EIF4G1: variants seen among roughly 807,000 people sequenced by gnomAD.
The protein encoded by EIF4G1 is EIF4-gamma.
In EIF4G1, 4 loss-of-function variants were observed where a neutral mutation model predicts 187.8. That is an observed-to-expected ratio of 0.02 (90% CI 0.01 to 0.05). The LOEUF (loss-of-function observed/expected upper bound fraction) is 0.05. EIF4G1 is among the 10% of genes least tolerant of loss of function. EIF4G1 has a pLI of 1.00. For missense variants in EIF4G1, 1,647 were observed against 2,081.1 expected, an observed-to-expected ratio of 0.79 and a Z score of 4.06; for synonymous variants, 844 against 781.4, an observed-to-expected ratio of 1.08 and a Z score of -1.34.
At position 184,317,356 on chromosome 3, in the gene EIF4G1, T is replaced by C. The variant is rs753368220; in HGVS notation, c.183T>C (p.Ser61=). 5 of 1,614,118 alleles carry C rather than the reference T, an allele frequency of 3.1e-6. No individual in the cohort carries two copies. Among genetic ancestry groups the C allele is most frequent in the East Asian group, 2.2e-5 (1 of 44,876 alleles). The change falls in exon 5 of 33, where the codon AGT becomes AGC. Residue 61 remains serine (S), a synonymous_variant. Transcript: ENST00000346169. ...CTAGCCGGGCCCAGCCCCCGAGCAG[T>C]GCAGCCTCCCGAGTGCAGAGTGCAG... ...FYPSRAQPPS[S]AASRVQSAAP... is the part of the protein sequence containing the mutation.
At chr3:184,326,152 A>G (rs1724857237) in intron 21 of EIF4G1, among the ~76,000 whole-genome samples, 1 of 152,062 alleles carries the variant, frequency 6.6e-6, no homozygotes, top group South Asian at 2.1e-4. Flanking sequence ...ACACACACAC[A>G]CACACACACA....
intron 28 of EIF4G1, among the ~76,000 whole-genome samples, chr3:184,329,308 A>G (rs1013523066): frequency 6.6e-6 from 1 of 152,242 alleles, no homozygotes; most frequent in Non-Finnish European, 1.5e-5. Context: ...ACAGCAATGA[A>G]TAAAACACAA....
chr3:184,315,205 T>C (rs1722524411), intron 1 of EIF4G1: 2 of 358,204 alleles, frequency 5.6e-6, no homozygotes. Flanking sequence ...GCCGCCCGCC[T>C]GGCCTTTTAG....
intron 6 of EIF4G1, among the ~76,000 whole-genome samples, chr3:184,319,467 T>TGTGTGTGTGTG (rs1560209601): frequency 1.8e-4 from 2 of 11,264 alleles, no homozygotes; most frequent in Non-Finnish European, 3.3e-4. Context: ...GTGTGTGTGT[T>TGTGTGTGTGTG]TGTGTGTGTG....
At chr3:184,326,159 C>T (rs1368363374) in intron 21 of EIF4G1, among the ~76,000 whole-genome samples, 1 of 152,118 alleles carries the variant, frequency 6.6e-6, no homozygotes, top group African/African-American at 2.4e-5. Context: ...CACACACACA[C>T]ACACACACAC....
At chr3:184,327,187 G>A (rs1725101633) in intron 23 of EIF4G1, 29 bp from the exon 24 acceptor site, 2 of 1,611,758 alleles carry the variant, frequency 1.2e-6, no homozygotes, top group East Asian at 2.2e-5. Context: ...CAGTGCAAGT[G>A]AGTGAAAATT....
rs16858643 is a variant in EIF4G1 at position 184,324,183 on chromosome 3, A to G, written c.2473-18A>G. The G allele has an allele frequency of 4.3e-3, 6,914 of 1,614,198 alleles. 272 individuals are homozygous for G. The African/African-American group carries it at 0.08, about 19-fold the overall frequency. On this transcript the variant is annotated intron_variant, in intron 16 of 32. Coordinates refer to ENST00000346169, the MANE Select transcript of EIF4G1 (RefSeq NM_198241.3). ...GCCCAGGACTAGTCTTGAGTGTGAC[A>G]TTCTCTCTGACCTACAGCTGAAAGT...
intron 32 of EIF4G1, 124 bp downstream of exon 32, chr3:184,332,210 T>C (rs943078375): frequency 8.5e-6 from 11 of 1,296,846 alleles, no homozygotes; most frequent in Non-Finnish European, 1.1e-5. Flanking sequence ...CAAAATGCCC[T>C]CTGGGTTTCA....
chr3:184,321,108 G>GT, intron 9 of EIF4G1, 115 bp downstream of exon 9: 2 of 1,507,604 alleles, frequency 1.3e-6, no homozygotes, highest in Non-Finnish European at 1.8e-6. Flanking sequence ...TAGATTTCAG[G>GT]TTGTGGGATT....
In EIF4G1 at chr3:184,317,745, A is replaced by G; in HGVS notation, c.353A>G (p.Gln118Arg). ...CGTTCCACATACGTTGTCCCGACAC[A>G]GCAGTACCCTGTGCAGCCAGGAGCC... ...QGRSTYVVPT[Q>R]QYPVQPGAPG... Residue 118 changes from glutamine (Q) to arginine (R), a missense_variant, in exon 6 of 33, where the codon CAG (glutamine) becomes CGG (arginine). Coordinates refer to ENST00000346169, the MANE Select transcript of EIF4G1 (RefSeq NM_198241.3). 1 of 1,614,114 alleles carries G rather than the reference A, an allele frequency of 6.2e-7. No homozygotes were observed. Among genetic ancestry groups the G allele is most frequent in the Non-Finnish European group, 8.5e-7 (1 of 1,180,018 alleles).
intron 32 of EIF4G1, among the ~76,000 whole-genome samples, chr3:184,332,434 AATGTTG>A (rs1270120527): frequency 5.3e-5 from 8 of 152,142 alleles, no homozygotes; most frequent in Non-Finnish European, 1.0e-4. Context: ...AGTCCTCACA[AATGTTG>A]TTTAGGGTGG....
chr3:184,327,020 G>T lies in EIF4G1; in HGVS notation c.3428+37G>T, dbSNP rs1394155906. The T allele has an allele frequency of 1.9e-6, 3 of 1,612,892 alleles. No individual in the cohort carries two copies. In the Admixed American group the frequency reaches 5.0e-5, roughly 27 times the overall value. On this transcript the variant is annotated intron_variant, in intron 23 of 32. Transcript: ENST00000346169. ...TGGACATCTTTGTTATTCACACTGG[G>T]GGTACCGTGATTGGGTTCTGGTTGT...
intron 5 of EIF4G1, 101 bp downstream of exon 5, chr3:184,317,598 TC>T (rs1226747817): frequency 1.9e-6 from 3 of 1,543,538 alleles, no homozygotes; most frequent in Non-Finnish European, 2.7e-6. Flanking sequence ...AGGTGGGACT[TC>T]CTTCTGGTCA....
Position 184,326,137 on chromosome 3 carries a change from A to AACACACACACAC in EIF4G1, c.3222+207_3222+218dup, listed in dbSNP as rs34901174. Among the ~76,000 whole-genome samples, 45 of 147,054 alleles carry AACACACACACAC rather than the reference A, an allele frequency of 3.1e-4. 1 individual carries two copies. Among genetic ancestry groups the AACACACACACAC allele is most frequent in the African/African-American group, 8.0e-4 (32 of 40,126 alleles). On this transcript the variant is annotated intron_variant, in intron 21 of 32. Transcript: ENST00000346169. ...CATTAGTCTGGACCAGTGTTTGGCA[A>AACACACACACAC]ACACACACACACACACACACACACA...
intron 9 of EIF4G1, 139 bp from the exon 10 acceptor site, chr3:184,321,143 G>A (rs1406067589): frequency 6.7e-6 from 10 of 1,484,684 alleles, no homozygotes; most frequent in East Asian, 2.4e-5. Context: ...GGTTTTGGAT[G>A]AAAGTGGAAG....
chr3:184,322,412 A>G lies in EIF4G1; in HGVS notation c.1570A>G (p.Lys524Glu), dbSNP rs1724066726. Residue 524 changes from lysine (K) to glutamate (E), a missense_variant, in exon 11 of 33, where the codon AAG becomes GAG. Coordinates refer to ENST00000346169, the MANE Select transcript of EIF4G1 (RefSeq NM_198241.3). ...RRRKIKELNK[K>E]EAVGDLLDAF... ...ACGGAAAATTAAGGAGCTAAATAAG[A>G]AGGAGGCTGTTGGAGACCTTCTGGA... is the stretch of plus-strand genomic sequence containing the variant. 2 of 1,614,188 alleles carry G rather than the reference A, an allele frequency of 1.2e-6. No homozygotes were observed. The highest frequency in any genetic ancestry group is 1.7e-6 in the Non-Finnish European group (2 of 1,180,032).
Position 184,324,182 on chromosome 3 carries a change from C to T in EIF4G1, c.2473-19C>T, listed in dbSNP as rs1724426036. 1 of 1,614,110 alleles carries T rather than the reference C, an allele frequency of 6.2e-7. No homozygotes were observed. Among genetic ancestry groups the T allele is most frequent in the South Asian group, 1.1e-5 (1 of 91,090 alleles). On this transcript the variant is annotated intron_variant, in intron 16 of 32. Coordinates refer to ENST00000346169, the MANE Select transcript of EIF4G1 (RefSeq NM_198241.3). Reference sequence around the variant, plus strand: ...TGCCCAGGACTAGTCTTGAGTGTGACATTCTCTCTGACCTACAGCTGAAAG... The same window carrying T: ...TGCCCAGGACTAGTCTTGAGTGTGATATTCTCTCTGACCTACAGCTGAAAG...
At position 184,325,240 on chromosome 3, in the gene EIF4G1, T is replaced by C. The variant is rs747492854; in HGVS notation, c.2857-29T>C. The C allele has an allele frequency of 6.2e-7, 1 of 1,613,216 alleles. No individual in the cohort carries two copies. Among genetic ancestry groups the C allele is most frequent in the Non-Finnish European group, 8.5e-7 (1 of 1,179,210 alleles). On this transcript the variant is annotated intron_variant, in intron 18 of 32. Transcript: ENST00000346169. This position sits in a 1 kb window ranked among gnomAD's most constrained non-coding sequence, Gnocchi z 5.2. ...CAGTTATAGGTGGGACATGAGAAGT[T>C]CCTGGTCTGATGCCTTTCTCCTTCC...
chr3:184,335,185 C>CAA lies in EIF4G1; in HGVS notation c.*278_*279dup, dbSNP rs1726886339. The CAA allele has an allele frequency of 1.1e-5, 5 of 441,932 alleles. No individual in the cohort carries two copies. 27.4% of individuals were successfully genotyped at this position (441,932 alleles called of 1,614,324 possible). Reference sequence around the variant, plus strand: ...TGTGTCTTGGGGTGGGGAGGGGCACCAACGCCTGCCCCTGGGGTCCTTTTT... The same window carrying CAA: ...TGTGTCTTGGGGTGGGGAGGGGCACCAAAACGCCTGCCCCTGGGGTCCTTTTT... On this transcript the variant is annotated 3_prime_UTR_variant, in exon 33 of 33. Coordinates refer to ENST00000346169, the MANE Select transcript of EIF4G1 (RefSeq NM_198241.3).
Sources: allele counts gnomAD v4.1 joint callset (sites outside exome capture counted in the v4.1 genomes callset), GRCh38; gene constraint gnomAD v4.1.1; non-coding constraint Gnocchi (gnomAD v3.1); transcripts MANE v1.5; gene names NCBI Gene and HGNC (gene_info 2026-07-23, HGNC 2026-07-21).